PPP1R12A: variants seen among roughly 807,000 people sequenced by gnomAD.
PPP1R12A encodes the protein protein phosphatase 1 regulatory subunit 12A.
A neutral mutation model predicts 139.6 loss-of-function variants in PPP1R12A; 19 were observed. The ratio of observed to expected loss-of-function variants is 0.14; its 90% CI spans 0.09 to 0.20. PPP1R12A has a LOEUF of 0.20. Among genes scored for constraint, PPP1R12A ranks in the 10% least tolerant of loss-of-function variants. The pLI is 1.00. For synonymous variants in PPP1R12A, 427 were observed against 420.6 expected, an observed-to-expected ratio of 1.02 and a Z score of -0.19; for missense variants, 925 against 1,211.5, an observed-to-expected ratio of 0.76 and a Z score of 3.51.
At chr12:79,870,141 T>C (rs1882417285) in intron 2 of PPP1R12A, among the ~76,000 whole-genome samples, 1 of 152,128 alleles carries the variant, frequency 6.6e-6, no homozygotes, top group African/African-American at 2.4e-5. Flanking sequence ...TCTTGTCACC[T>C]AGGCTTAAGT....
At chr12:79,923,969 G>A (rs1256453802) in intron 1 of PPP1R12A, among the ~76,000 whole-genome samples, 1 of 152,084 alleles carries the variant, frequency 6.6e-6, no homozygotes, top group African/African-American at 2.4e-5. Context: ...ACTTGAACCT[G>A]GGAGGCGGCG....
intron 24 of PPP1R12A, 71 bp downstream of exon 24, chr12:79,778,479 T>C (rs1248758151): frequency 9.5e-7 from 1 of 1,048,490 alleles, no homozygotes. Context: ...ATGTAAACCA[T>C]ATCTATAATA....
intron 1 of PPP1R12A, among the ~76,000 whole-genome samples, chr12:79,903,269 T>A (rs1378918223): frequency 6.6e-6 from 1 of 151,850 alleles, no homozygotes; most frequent in African/African-American, 2.4e-5. Flanking sequence ...TGGCCAACAT[T>A]GTGAAACCCC....
rs1476648684 is a variant in PPP1R12A, at chr12:79,828,475, T to A, written c.648-11A>T. ...GCCTGTATTAAAAGTCTAAAGAAAT[T>A]ACAGTGAATTAGACAATCATTAAAA... On this transcript the variant is annotated splice_polypyrimidine_tract_variant and intron_variant, in intron 4 of 24. Transcript: ENST00000450142. 3.2e-6 allele frequency: 5 copies of A among 1,569,134 alleles called. No homozygotes were observed. The highest frequency in any genetic ancestry group is 2.7e-5 in the African/African-American group (2 of 73,714).
At chr12:79,778,487 A>C in intron 24 of PPP1R12A, 63 bp downstream of exon 24, 1 of 1,114,660 alleles carries the variant, frequency 9.0e-7, no homozygotes, top group Middle Eastern at 2.9e-4. Flanking sequence ...CATATCTATA[A>C]TAGTATTTTA....
chr12:79,822,809 G>A (rs183471352), intron 5 of PPP1R12A, among the ~76,000 whole-genome samples: 10 of 135,330 alleles, frequency 7.4e-5, no homozygotes, highest in African/African-American at 2.4e-4. Context: ...GTGGACATCT[G>A]CATTTTTTTT....
chr12:79,784,309 C>CA (rs890466488), intron 22 of PPP1R12A, among the ~76,000 whole-genome samples: 6 of 152,154 alleles, frequency 3.9e-5, no homozygotes, highest in African/African-American at 1.2e-4. Flanking sequence ...ATGCGATACT[C>CA]AGAGTACCTG....
intron 1 of PPP1R12A, among the ~76,000 whole-genome samples, chr12:79,912,331 A>T (rs1413460551): frequency 6.6e-6 from 1 of 152,166 alleles, no homozygotes; most frequent in Non-Finnish European, 1.5e-5. Context: ...TTGTTTTGCT[A>T]ATCTCTGTAT....
In PPP1R12A at chr12:79,774,654, T is replaced by G. The variant is rs1262199042; in HGVS notation, c.*1275A>C. On this transcript the variant is annotated 3_prime_UTR_variant, in exon 25 of 25. Transcript: ENST00000450142. Reference sequence around the variant, plus strand: ...TTCCTTAAAAAAAAAAAAAGGCCACTGAAATGTATAAAATGGTCTGAACAT... The same window carrying G: ...TTCCTTAAAAAAAAAAAAAGGCCACGGAAATGTATAAAATGGTCTGAACAT... The G allele has an allele frequency of 1.3e-5, 2 of 148,868 alleles. No individual in the cohort carries two copies. Among genetic ancestry groups the G allele is most frequent in the East Asian group, 3.9e-4 (2 of 5,112 alleles). The allele number at this position is 148,868 out of a possible 1,614,324, so 9.2% of individuals were successfully genotyped here.
chr12:79,798,424 T>C, intron 15 of PPP1R12A, 70 bp downstream of exon 15: 2 of 975,520 alleles, frequency 2.1e-6, no homozygotes, highest in Non-Finnish European at 3.0e-6. Context: ...ACTTGTTTTA[T>C]GTCAGTGTGT....
intron 2 of PPP1R12A, among the ~76,000 whole-genome samples, chr12:79,867,151 T>C (rs1205870171): frequency 6.6e-6 from 1 of 152,106 alleles, no homozygotes; most frequent in Non-Finnish European, 1.5e-5. Context: ...TAAAAAAGGA[T>C]GAGTTCATGT....
chr12:79,807,881 A>T (rs1045290087), intron 11 of PPP1R12A, among the ~76,000 whole-genome samples: 2 of 151,596 alleles, frequency 1.3e-5, no homozygotes, highest in African/African-American at 4.8e-5. Flanking sequence ...TACTAAAAAT[A>T]AAAAAATTAG....
At chr12:79,892,743 T>G (rs568311507) in intron 1 of PPP1R12A, among the ~76,000 whole-genome samples, 1 of 148,334 alleles carries the variant, frequency 6.7e-6, no homozygotes, top group African/African-American at 2.6e-5. Flanking sequence ...TAAAGTTACT[T>G]AAAAAAAAAA....
intron 1 of PPP1R12A, among the ~76,000 whole-genome samples, chr12:79,928,856 G>T (rs190731417): frequency 6.6e-6 from 1 of 152,298 alleles, no homozygotes; most frequent in East Asian, 1.9e-4. Flanking sequence ...GGCTCCCTTA[G>T]AAGTAGATCA....
rs184595312 is a variant in PPP1R12A, at chr12:79,784,808, T to C, written c.2907+1566A>G. On this transcript the variant is annotated intron_variant, in intron 22 of 24. Transcript: ENST00000450142. ...CCCACCACCACACCCAGCTATTTTT[T>C]CTGTATTTTTAGTAGAGATGAGGTT... Among the ~76,000 whole-genome samples, 1,288 of 152,168 alleles carry C rather than the reference T, an allele frequency of 8.5e-3. 22 individuals carry two copies. Among genetic ancestry groups the C allele is most frequent in the African/African-American group, 0.03 (1,242 of 41,502 alleles).
chr12:79,881,795 T>C (rs893504190), intron 1 of PPP1R12A, among the ~76,000 whole-genome samples: 1 of 152,196 alleles, frequency 6.6e-6, no homozygotes, highest in Non-Finnish European at 1.5e-5. Flanking sequence ...ACGGACAGTT[T>C]GAATCTCTTT....
chr12:79,889,880 T>C (rs1884433451), intron 1 of PPP1R12A, among the ~76,000 whole-genome samples: 6 of 152,146 alleles, frequency 3.9e-5, no homozygotes. Context: ...ATACGTATCC[T>C]CATATGGTGG....
chr12:79,811,117 C>CTAG (rs1874472473), intron 9 of PPP1R12A, among the ~76,000 whole-genome samples: 1 of 152,180 alleles, frequency 6.6e-6, no homozygotes, highest in Admixed American at 6.5e-5. Flanking sequence ...CAGCAACTAA[C>CTAG]TAGTTGCCAC....
At chr12:79,923,307 A>G (rs575767406) in intron 1 of PPP1R12A, among the ~76,000 whole-genome samples, 12 of 152,314 alleles carry the variant, frequency 7.9e-5, no homozygotes, top group African/African-American at 2.9e-4. Context: ...TAAGATGTAC[A>G]TAATATTCAC....
Sources: allele counts gnomAD v4.1 joint callset (sites outside exome capture counted in the v4.1 genomes callset), GRCh38; gene constraint gnomAD v4.1.1; transcripts MANE v1.5; gene names NCBI Gene and HGNC (gene_info 2026-07-23, HGNC 2026-07-21).